Variants in CALN1 observed in about 807,000 individuals in gnomAD.
CALN1 encodes the protein calneuron 1.
CALN1 carries 17 observed loss-of-function variants against 30.6 expected under a neutral mutation model. The observed-to-expected ratio is 0.56, with a 90% CI of 0.38 to 0.83. The LOEUF (loss-of-function observed/expected upper bound fraction) is 0.83. CALN1 is among the 40% of genes least tolerant of loss of function. The pLI, the probability that CALN1 is intolerant of heterozygous loss-of-function variation, is 0.00. For synonymous variants in CALN1, 156 were observed against 131.4 expected (o/e 1.19, Z -1.28); for missense variants, 291 against 354.9 (o/e 0.82, Z 1.45).
intron 5 of CALN1, among the ~76,000 whole-genome samples, chr7:71,874,597 C>T (rs538134317): frequency 2.5e-4 from 38 of 152,240 alleles, no homozygotes; most frequent in African/African-American, 8.9e-4. Context: ...TGTATACTCA[C>T]CAGCCACTAC....
chr7:71,857,014 G>GTA (rs1253542465), intron 5 of CALN1, among the ~76,000 whole-genome samples: 3 of 106,676 alleles, frequency 2.8e-5, no homozygotes, highest in Admixed American at 2.2e-4. Context: ...GTGTGTATAT[G>GTA]TATGTGTGTG....
At chr7:72,203,975 C>CTTTTTTTTT (rs1562730767) in intron 3 of CALN1, among the ~76,000 whole-genome samples, 2 of 101,582 alleles carry the variant, frequency 2.0e-5, no homozygotes, top group Admixed American at 1.1e-4. Context: ...TAAGAGGCCT[C>CTTTTTTTTT]TCTCTTTTTT....
At chr7:72,030,549 C>T (rs907544767) in intron 4 of CALN1, among the ~76,000 whole-genome samples, 3 of 152,128 alleles carry the variant, frequency 2.0e-5, no homozygotes, top group African/African-American at 7.2e-5. Flanking sequence ...GGTCTGATCC[C>T]TATGCCCCCA....
At chr7:71,830,160 C>A (rs542811454) in intron 5 of CALN1, among the ~76,000 whole-genome samples, 1 of 151,478 alleles carries the variant, frequency 6.6e-6, no homozygotes, top group Admixed American at 6.6e-5. Flanking sequence ...TCTCCTGCTT[C>A]AGCCTCCCGA....
intron 5 of CALN1, among the ~76,000 whole-genome samples, chr7:71,967,066 G>C (rs1268651304): frequency 6.6e-6 from 1 of 152,064 alleles, no homozygotes; most frequent in African/African-American, 2.4e-5. Context: ...CCATTCACTT[G>C]TTTATTCCAA....
chr7:71,847,646 C>T (rs566413250), intron 5 of CALN1, among the ~76,000 whole-genome samples: 2 of 147,558 alleles, frequency 1.4e-5, no homozygotes, highest in South Asian at 2.1e-4. Flanking sequence ...TGCACCACTG[C>T]ACGCCAGCCT....
intron 5 of CALN1, among the ~76,000 whole-genome samples, chr7:71,923,002 ACTATACTATACTATACTATACTATT>A (rs1255838687): frequency 6.9e-6 from 1 of 143,890 alleles, no homozygotes; most frequent in Admixed American, 7.0e-5. Flanking sequence ...ATCTAACTAC[ACTATACTATACTATACTATACTATT>A]CTATACTATA....
intron 1 of CALN1, among the ~76,000 whole-genome samples, chr7:72,407,623 A>ATGCTTCCTGTATAGCC (rs1178416593): frequency 2.6e-5 from 4 of 152,096 alleles, no homozygotes; most frequent in Non-Finnish European, 5.9e-5. Context: ...CTCCCCAGCC[A>ATGCTTCCTGTATAGCC]TGCTTCCTGT....
intron 5 of CALN1, among the ~76,000 whole-genome samples, chr7:71,971,620 G>A (rs942475844): frequency 6.6e-6 from 1 of 152,102 alleles, no homozygotes; most frequent in African/African-American, 2.4e-5. Flanking sequence ...ATACAGGGCC[G>A]TGTATGATGG....
intron 5 of CALN1, among the ~76,000 whole-genome samples, chr7:72,011,874 C>CA (rs1396290307): frequency 6.6e-6 from 1 of 151,826 alleles, no homozygotes; most frequent in Non-Finnish European, 1.5e-5. Flanking sequence ...ACTCTGAACT[C>CA]AAACAGTTCT....
At chr7:71,888,204 G>A (rs1214028888) in intron 5 of CALN1, among the ~76,000 whole-genome samples, 1 of 151,948 alleles carries the variant, frequency 6.6e-6, no homozygotes, top group Admixed American at 6.6e-5. Flanking sequence ...AGAAGAGAAG[G>A]CTGAGAAAGA....
chr7:71,974,610 T>G (rs552309940), intron 5 of CALN1, among the ~76,000 whole-genome samples: 4 of 152,108 alleles, frequency 2.6e-5, no homozygotes, highest in Admixed American at 6.5e-5. Flanking sequence ...CAGAAAGCAG[T>G]AGACTATAGT....
intron 5 of CALN1, among the ~76,000 whole-genome samples, chr7:71,948,095 G>A (rs141244495): frequency 3.3e-5 from 5 of 152,220 alleles, no homozygotes; most frequent in Admixed American, 1.3e-4. Context: ...TCGAAAGGGC[G>A]ATAGTGCATG....
intron 5 of CALN1, among the ~76,000 whole-genome samples, chr7:72,023,341 A>G (rs561114990): frequency 6.6e-6 from 1 of 152,310 alleles, no homozygotes; most frequent in African/African-American, 2.4e-5. Flanking sequence ...ACTGGGGTCA[A>G]ACACAGAACC....
At position 72,272,235 on chromosome 7, in the gene CALN1, C is replaced by G. The variant is rs1032792112; in HGVS notation, c.244+6451G>C. 1.6e-4 allele frequency among the ~76,000 whole-genome samples: 24 copies of G among 152,050 alleles called. No homozygotes were observed. The East Asian group carries it at 3.1e-3, about 20-fold the overall frequency. ...TTCTATTCCCATACTCAAAATACCC[C>G]CTATGATATACAGAAGAGTATATCA... is the stretch of plus-strand genomic sequence containing the variant. On this transcript the variant is annotated intron_variant, in intron 3 of 6. Transcript: ENST00000395275.
At chr7:72,307,424 TGAAG>T (rs1799728597) in intron 2 of CALN1, among the ~76,000 whole-genome samples, 1 of 152,202 alleles carries the variant, frequency 6.6e-6, no homozygotes, top group Non-Finnish European at 1.5e-5. Flanking sequence ...CTACGAAGGC[TGAAG>T]CCCGTCTGGC....
At chr7:72,099,272 CCTTTT>C (rs1806472209) in intron 4 of CALN1, among the ~76,000 whole-genome samples, 2 of 103,428 alleles carry the variant, frequency 1.9e-5, no homozygotes, top group South Asian at 3.8e-4. Context: ...CCCAAACACT[CCTTTT>C]TTTTTTTTTT....
chr7:72,458,797 A>G, the CALN1 span, among the ~76,000 whole-genome samples: 1 of 129,170 alleles, frequency 7.7e-6, no homozygotes, highest in African/African-American at 2.9e-5. Context: ...AACATTATAT[A>G]ATACATAATA....
intron 3 of CALN1, among the ~76,000 whole-genome samples, chr7:72,149,075 C>T (rs1473998850): frequency 2.0e-5 from 3 of 152,166 alleles, no homozygotes; most frequent in African/African-American, 7.2e-5. Context: ...GGTTTCCCTT[C>T]ACCTTCTGCC....
Sources: allele counts gnomAD v4.1 joint callset (sites outside exome capture counted in the v4.1 genomes callset), GRCh38; gene constraint gnomAD v4.1.1; transcripts MANE v1.5; gene names NCBI Gene and HGNC (gene_info 2026-07-23, HGNC 2026-07-21).